Variants in ZAN observed in about 807,000 individuals in gnomAD.
ZAN encodes the protein zonadhesin (gene/pseudogene).
A neutral mutation model predicts 286.2 loss-of-function variants in ZAN; 260 were observed. The ratio of observed to expected loss-of-function variants is 0.91; its 90% CI spans 0.82 to 1.01. ZAN has a LOEUF of 1.01. Among genes scored for constraint, ZAN ranks in the 50% least tolerant of loss-of-function variants. The pLI is 0.00. For synonymous variants in ZAN, 1,368 were observed against 1,417.5 expected (o/e 0.97, Z 0.79); for missense variants, 3,410 against 3,639.2 (o/e 0.94, Z 1.62).
At position 100,755,411 on chromosome 7, in the gene ZAN, G is replaced by T; in HGVS notation, c.3309+1G>T. 3 of 1,612,552 alleles carry T rather than the reference G, an allele frequency of 1.9e-6. No individual in the cohort carries two copies. Among genetic ancestry groups the T allele is most frequent in the Non-Finnish European group, 2.5e-6 (3 of 1,179,192 alleles). ...CTTCTACAACAACGACTACTATGAG[G>T]TAAGCCCCCCGGGATGCTGGGGTCC... On this transcript the variant is annotated splice_donor_variant, in intron 15 of 47. Coordinates refer to ENST00000613979, the MANE Select transcript of ZAN (RefSeq NM_003386.3). LOFTEE classifies it high-confidence loss of function.
At position 100,737,085 on chromosome 7, in the gene ZAN, G is replaced by A. The variant is rs1413956505; in HGVS notation, c.525+5G>A. 1 of 1,489,938 alleles carries A rather than the reference G, an allele frequency of 6.7e-7. No individual in the cohort carries two copies. The highest frequency in any genetic ancestry group is 1.2e-5 in the South Asian group (1 of 84,876). 92.3% of individuals were successfully genotyped at this position (1,489,938 alleles called of 1,614,324 possible). ...GGGTTCACCCTGCCCACCCGGGTAA[G>A]GCCGGGGACAAATTGTGGGACCTCG... On this transcript the variant is annotated splice_donor_5th_base_variant and intron_variant, in intron 5 of 47. Coordinates refer to ENST00000613979, the MANE Select transcript of ZAN (RefSeq NM_003386.3).
Position 100,738,780 on chromosome 7 carries a change from C to T in ZAN, c.766+167C>T, listed in dbSNP as rs1025252145. Among the ~76,000 whole-genome samples the T allele has an allele frequency of 1.6e-4, 22 of 137,966 alleles. 5 individuals carry two copies. Among genetic ancestry groups the T allele is most frequent in the Non-Finnish European group, 2.7e-4 (17 of 61,868 alleles). The allele number at this position is 137,966 out of a possible 152,430, so 90.5% of individuals were successfully genotyped here. On this transcript the variant is annotated intron_variant, in intron 7 of 47. Coordinates refer to ENST00000613979, the MANE Select transcript of ZAN (RefSeq NM_003386.3). ...GCACCCAGCCAGCCTCCCCCACCAC[C>T]GCCCTACAAGCTCTACCTGGCAGAC... is the stretch of plus-strand genomic sequence containing the variant.
rs557109539 is a variant in ZAN at position 100,791,578 on chromosome 7, C to G, written c.7530-388C>G. Among the ~76,000 whole-genome samples the G allele has an allele frequency of 9.5e-4, 144 of 151,778 alleles. 1 individual carries two copies. The highest frequency in any genetic ancestry group is 3.3e-3 in the African/African-American group (136 of 41,390). ...TGGGCCACCACGCTCAGCTAATGTT[C>G]GTATTTTTAGTAGAGACAGGGTTTC... On this transcript the variant is annotated intron_variant, in intron 40 of 47. Transcript: ENST00000613979.
rs776047223 is a variant in ZAN, at chr7:100,792,433, C to T, written c.7741C>T (p.Gln2581Ter). The T allele has an allele frequency of 3.1e-6, 5 of 1,613,726 alleles. No individual in the cohort carries two copies. In the Admixed American group the frequency reaches 6.7e-5, roughly 22 times the overall value. Residue 2581 changes from glutamine (Q) to a stop codon, truncating the protein, a stop_gained, in exon 42 of 48, where the codon CAG (glutamine) becomes TAG (stop). Transcript: ENST00000613979. LOFTEE classifies it high-confidence loss of function. ...CTGCGTGCTGGATCTGTGCTCTGCT[C>T]AGGACCCAAGAGAGCAAGAGGAGCT... ...EHCVLDLCSAQDPREQEELRC... is the reference protein window; with the variant it reads ...EHCVLDLCSA
chr7:100,784,479 A>G, intron 35 of ZAN, 144 bp from the exon 36 acceptor site: 1 of 786,076 alleles, frequency 1.3e-6, no homozygotes, highest in Non-Finnish European at 2.0e-6. Flanking sequence ...TACTCAGTAA[A>G]TGTTTGCTGA....
chr7:100,797,299 A>G, intron 45 of ZAN, 67 bp from the exon 46 acceptor site: 6 of 1,466,028 alleles, frequency 4.1e-6, no homozygotes, highest in Non-Finnish European at 5.7e-6. Context: ...CCCAAAAGGG[A>G]GTACCCCTCA....
At position 100,767,188 on chromosome 7, in the gene ZAN, C is replaced by T. The variant is rs1315475792; in HGVS notation, c.4791C>T (p.Ser1597=). The part of the protein sequence containing the change: ...NENRGGILEV[S]YIKAVHVTVF... Reference sequence around the variant, plus strand: ...ACCGCGGGGGGATCCTGGAGGTCTCCTACATCAAAGCCGTCCACGTGACAG... The same window carrying T: ...ACCGCGGGGGGATCCTGGAGGTCTCTTACATCAAAGCCGTCCACGTGACAG... The change falls in exon 25 of 48, where the codon TCC becomes TCT. Residue 1597 remains serine (S), a synonymous_variant. Coordinates refer to ENST00000613979, the MANE Select transcript of ZAN (RefSeq NM_003386.3). The T allele has an allele frequency of 1.9e-6, 3 of 1,613,576 alleles. No homozygotes were observed. Among genetic ancestry groups the T allele is most frequent in the Non-Finnish European group, 2.5e-6 (3 of 1,179,872 alleles).
At chr7:100,758,978 C>G (rs946411894) in intron 17 of ZAN, among the ~76,000 whole-genome samples, 1 of 152,042 alleles carries the variant, frequency 6.6e-6, no homozygotes. Flanking sequence ...AACCCCAACA[C>G]TTTGGGAAGC....
At position 100,794,174 on chromosome 7, in the gene ZAN, T is replaced by G; in HGVS notation, c.8041T>G (p.Ser2681Ala). The G allele has an allele frequency of 6.2e-7, 1 of 1,613,978 alleles. No individual in the cohort carries two copies. Among genetic ancestry groups the G allele is most frequent in the Admixed American group, 1.7e-5 (1 of 60,016 alleles). Residue 2681 changes from serine to alanine, a missense_variant, in exon 44 of 48, where the codon TCA (serine) becomes GCA (alanine). Ser to Ala is a moderately conservative substitution (Grantham distance 99). Around this residue, in one of 7 missense-constraint regions of ZAN, gnomAD observed 1,289 missense variants for 1,314.3 expected, o/e 0.98. Transcript: ENST00000613979. ...DCSQRCTCAS[S>A]RILLCEPFSC... ...CTCTCAGCGGTGCACCTGTGCCAGC[T>G]CACGGATCCTGCTGTGTGAGCCCTT...
chr7:100,788,220 T>G, intron 38 of ZAN, 84 bp downstream of exon 38: 78 of 1,345,492 alleles, frequency 5.8e-5, no homozygotes, highest in Non-Finnish European at 6.3e-5. Context: ...GGGATCCCTG[T>G]TCCCTGGGAT....
chr7:100,792,247 T>G, intron 41 of ZAN, 99 bp downstream of exon 41: 1 of 1,495,654 alleles, frequency 6.7e-7, no homozygotes, highest in Non-Finnish European at 8.9e-7. Flanking sequence ...CTCTGTGTGG[T>G]TCACTCCTCC....
intron 23 of ZAN, 86 bp downstream of exon 23, chr7:100,765,640 T>TTTTCG (rs1382785869): frequency 1.4e-6 from 2 of 1,436,922 alleles, no homozygotes; most frequent in African/African-American, 2.9e-5. Context: ...CTTTCTTTTC[T>TTTTCG]TTTCGTTTCT....
chr7:100,754,599 G>T (rs1809014038), intron 14 of ZAN, among the ~76,000 whole-genome samples: 1 of 151,870 alleles, frequency 6.6e-6, no homozygotes, highest in Admixed American at 6.6e-5. Context: ...TGCCTCTGGG[G>T]CTCAAGCAAC....
intron 34 of ZAN, among the ~76,000 whole-genome samples, chr7:100,778,325 CG>C (rs1810956956): frequency 6.6e-6 from 1 of 151,410 alleles, no homozygotes; most frequent in Non-Finnish European, 1.5e-5. Flanking sequence ...TAAAAACAGC[CG>C]GGTGCAGTGG....
intron 36 of ZAN, among the ~76,000 whole-genome samples, chr7:100,785,223 C>CTTTTTTTT (rs5886135): frequency 2.3e-5 from 2 of 87,552 alleles, no homozygotes; most frequent in African/African-American, 8.6e-5. Context: ...AACACAGTGC[C>CTTTTTTTT]TTTTTTTTTT....
chr7:100,749,444 TC>T (rs1808459707), intron 11 of ZAN, among the ~76,000 whole-genome samples: 1 of 150,830 alleles, frequency 6.6e-6, no homozygotes, highest in African/African-American at 2.4e-5. Flanking sequence ...ATCGAGACCA[TC>T]CTGGCTAACA....
chr7:100,747,624 G>A lies in ZAN; in HGVS notation c.1006G>A (p.Ala336Thr), dbSNP rs375127980. The change falls in exon 9 of 48, where the codon GCC becomes ACC. Residue 336 changes from alanine to threonine, a missense_variant. Transcript: ENST00000613979. The part of the protein sequence containing the change: ...NWQAVSVNYT[A>T]VGRIQFAVVG... ...GCAGGCTGTTTCTGTCAATTACACA[G>A]CCGTGGGACGGATACAGGTACAGAG... is the stretch of plus-strand genomic sequence containing the variant. The A allele has an allele frequency of 1.3e-5, 21 of 1,613,798 alleles. No individual in the cohort carries two copies. Among genetic ancestry groups the A allele is most frequent in the Non-Finnish European group, 1.7e-5 (20 of 1,179,822 alleles).
chr7:100,773,982 C>T (rs1562944686), intron 31 of ZAN, 117 bp downstream of exon 31: 3 of 1,407,304 alleles, frequency 2.1e-6, no homozygotes, highest in Admixed American at 2.5e-5. Context: ...GGTAACTCTG[C>T]TGCAACCAAG....
Position 100,758,590 on chromosome 7 carries a change from C to A in ZAN, c.3511C>A (p.His1171Asn). Reference sequence around the variant, plus strand: ...TCATTATGTCACCTTTGACGGGAGGCACTTTGGCTTCATGGGCAAGTGCAC... The same window carrying A: ...TCATTATGTCACCTTTGACGGGAGGAACTTTGGCTTCATGGGCAAGTGCAC... ...DPHYVTFDGR[H>N]FGFMGKCTYI... The change falls in exon 17 of 48, where the codon CAC (histidine) becomes AAC (asparagine). Residue 1171 changes from histidine (H) to asparagine (N), a missense_variant. This residue lies in a region of ZAN where 1,042 missense variants were observed against 1,058.0 expected (regional missense o/e 0.98). Transcript: ENST00000613979. 6.4e-7 allele frequency: 1 copy of A among 1,566,712 alleles called. No homozygotes were observed.
Sources: allele counts gnomAD v4.1 joint callset (sites outside exome capture counted in the v4.1 genomes callset), GRCh38; gene constraint gnomAD v4.1.1; regional missense constraint gnomAD v4.1.1; transcripts MANE v1.5; gene names NCBI Gene and HGNC (gene_info 2026-07-23, HGNC 2026-07-21).